HMCN2: variants seen among roughly 807,000 people sequenced by gnomAD.
The protein encoded by HMCN2 is hemicentin 2.
In HMCN2, 325 loss-of-function variants were observed where a neutral mutation model predicts 377.5. That is an observed-to-expected ratio of 0.86 (90% CI 0.79 to 0.94). The LOEUF is 0.94. HMCN2 is among the 40% of genes least tolerant of loss of function. HMCN2 has a pLI of 0.00. For synonymous variants in HMCN2, 2,007 were observed against 2,046.8 expected (o/e 0.98, Z 0.53); for missense variants, 4,543 against 4,725.3 (o/e 0.96, Z 1.13).
At chr9:130,417,039 G>A (rs1054964088) in intron 85 of HMCN2, among the ~76,000 whole-genome samples, 2 of 151,766 alleles carry the variant, frequency 1.3e-5, no homozygotes, top group Non-Finnish European at 2.9e-5. Flanking sequence ...AGCCTCTCAA[G>A]TAGCTGGGAT....
rs1844038181 is a variant in HMCN2, at chr9:130,421,925, GTC to G, written c.13232-647_13232-646del. Among the ~76,000 whole-genome samples, 4 of 152,240 alleles carry G rather than the reference GTC, an allele frequency of 2.6e-5. No homozygotes were observed. The South Asian group carries it at 8.3e-4, about 31-fold the overall frequency. ...TGAGTGGAGAGGCAGGCTAACTTCT[GTC>G]TCTCGCCCCCTGGAATGCCATCTGC... On this transcript the variant is annotated intron_variant, in intron 86 of 97. Coordinates refer to ENST00000683500, the MANE Select transcript of HMCN2 (RefSeq NM_001291815.2).
At position 130,314,951 on chromosome 9, in the gene HMCN2, C is replaced by T. The variant is rs964082985; in HGVS notation, c.2351-4544C>T. ...GGGGCCTTCAGGCCAGTGTCCCTTT[C>T]GCTGGGGGAGCAGCAGGCGCAGGGG... On this transcript the variant is annotated intron_variant, in intron 15 of 97. Coordinates refer to ENST00000683500, the MANE Select transcript of HMCN2 (RefSeq NM_001291815.2). 1.2e-3 allele frequency among the ~76,000 whole-genome samples: 184 copies of T among 151,994 alleles called. 1 individual carries two copies. The East Asian group carries it at 0.03, about 24-fold the overall frequency.
At chr9:130,322,001 G>C (rs1837878397) in intron 19 of HMCN2, 70 bp downstream of exon 19, 2 of 152,228 alleles carry the variant, frequency 1.3e-5, no homozygotes, top group Middle Eastern at 3.4e-3. Flanking sequence ...AATGTGCAGA[G>C]GTAACTTGAT....
intron 25 of HMCN2, among the ~76,000 whole-genome samples, chr9:130,343,979 G>A (rs1257146445): frequency 3.9e-5 from 6 of 152,226 alleles, no homozygotes; most frequent in Non-Finnish European, 5.9e-5. Context: ...TTGGTGGTGT[G>A]TGTGGTGTGT....
chr9:130,421,947 A>G (rs1284630065), intron 86 of HMCN2, among the ~76,000 whole-genome samples: 1 of 152,236 alleles, frequency 6.6e-6, no homozygotes, highest in African/African-American at 2.4e-5. Context: ...CTGGAATGCC[A>G]TCTGCCTAAA....
In HMCN2 at chr9:130,351,758, T is replaced by C. The variant is rs369713161; in HGVS notation, c.4585+181T>C. The stretch of plus-strand genomic sequence containing the variant: ...GGTCAGGGTCAGGGGATAGAGGTTA[T>C]CTGGCCCAGCATTTTCCAAATCCGT... On this transcript the variant is annotated intron_variant, in intron 30 of 97. Coordinates refer to ENST00000683500, the MANE Select transcript of HMCN2 (RefSeq NM_001291815.2). This position sits in a 1 kb window ranked among gnomAD's most constrained non-coding sequence, Gnocchi z 5.4. 1.3e-5 allele frequency among the ~76,000 whole-genome samples: 2 copies of C among 151,754 alleles called. No homozygotes were observed. Among genetic ancestry groups the C allele is most frequent in the East Asian group, 1.9e-4 (1 of 5,186 alleles).
At chr9:130,284,130 A>G (rs781854848) in intron 1 of HMCN2, among the ~76,000 whole-genome samples, 1 of 152,212 alleles carries the variant, frequency 6.6e-6, no homozygotes, top group Non-Finnish European at 1.5e-5. Context: ...GAGCTCATAC[A>G]TAGATGGGGT....
Position 130,351,426 on chromosome 9 carries a change from T to A in HMCN2, c.4434T>A (p.Pro1478=). 4 of 1,303,876 alleles carry A rather than the reference T, an allele frequency of 3.1e-6. No individual in the cohort carries two copies. The highest frequency in any genetic ancestry group is 4.0e-6 in the Non-Finnish European group (4 of 988,698). 80.8% of individuals were successfully genotyped at this position (1,303,876 alleles called of 1,614,324 possible). ...TTTCCCTTGCCCGTCTCTCCAGGCCTGTCCTTCCGGGAGGCCCTCACCTGC... is the reference window on the plus strand; with the variant it reads ...TTTCCCTTGCCCGTCTCTCCAGGCCAGTCCTTCCGGGAGGCCCTCACCTGC... ...PQVEWTKDRQ[P]VLPGGPHLQV... Residue 1478 remains proline (P), a synonymous_variant, in exon 30 of 98, where the codon CCT becomes CCA. Transcript: ENST00000683500. This position sits in a 1 kb window ranked among gnomAD's most constrained non-coding sequence, Gnocchi z 5.4.
chr9:130,432,368 C>G, intron 96 of HMCN2, 61 bp from the exon 97 acceptor site: 1 of 1,514,844 alleles, frequency 6.6e-7, no homozygotes, highest in Admixed American at 2.0e-5. Context: ...ACGCACTCCC[C>G]CCTTCTCCTT....
chr9:130,431,399 C>T lies in HMCN2; in HGVS notation c.14680C>T (p.Gln4894Ter). 6.5e-7 allele frequency: 1 copy of T among 1,550,056 alleles called. No homozygotes were observed. The highest frequency in any genetic ancestry group is 8.7e-7 in the Non-Finnish European group (1 of 1,146,820). ...LDECRVRNLC[Q>*]HACRNTEGSY... ...CGAGTGCCGCGTGAGGAACCTGTGT[C>T]AGCACGCCTGCCGCAACACTGAGGG... Residue 4894 changes from glutamine to a stop codon, truncating the protein, a stop_gained, in exon 96 of 98, where the codon CAG becomes TAG. Transcript: ENST00000683500. LOFTEE classifies it high-confidence loss of function.
chr9:130,317,936 G>A (rs1443811969), intron 15 of HMCN2, among the ~76,000 whole-genome samples: 3 of 152,088 alleles, frequency 2.0e-5, no homozygotes, highest in Non-Finnish European at 2.9e-5. Flanking sequence ...TGGGCTCTGC[G>A]GCTGGGCTGG....
chr9:130,267,861 G>T (rs1026020302), intron 1 of HMCN2, among the ~76,000 whole-genome samples: 13 of 152,168 alleles, frequency 8.5e-5, no homozygotes, highest in South Asian at 2.1e-4. Flanking sequence ...GTGTGTTCTG[G>T]CACTTAAGCT....
At chr9:130,334,549 G>GTTTTTT (rs1192246439) in intron 22 of HMCN2, among the ~76,000 whole-genome samples, 2 of 99,074 alleles carry the variant, frequency 2.0e-5, no homozygotes, top group African/African-American at 3.8e-5. Flanking sequence ...ACTTTTGGAA[G>GTTTTTT]TTTTTTTTTT....
intron 22 of HMCN2, among the ~76,000 whole-genome samples, chr9:130,335,461 C>A: frequency 6.6e-6 from 1 of 152,316 alleles, no homozygotes; most frequent in Non-Finnish European, 1.5e-5. Flanking sequence ...TCGCGTATTC[C>A]TTTGCACTAT....
intron 26 of HMCN2, chr9:130,348,020 C>A (rs1326286421): frequency 6.1e-6 from 6 of 985,278 alleles, no homozygotes; most frequent in Middle Eastern, 5.2e-4. Context: ...AGGAAAGGAA[C>A]CCCTCCTTAA....
In HMCN2 at chr9:130,430,353, G is replaced by A. The variant is rs553402426; in HGVS notation, c.14396G>A (p.Arg4799His). ...TGCCACAACCTCCAGGGCAGCTACCGCTGCCTGTGCCCCCCAGGCCAGACC... is the reference window on the plus strand; with the variant it reads ...TGCCACAACCTCCAGGGCAGCTACCACTGCCTGTGCCCCCCAGGCCAGACC... ...YQCHNLQGSY[R>H]CLCPPGQTLL... The change falls in exon 95 of 98, where the codon CGC (arginine) becomes CAC (histidine). Residue 4799 changes from arginine to histidine, a missense_variant. Arg to His is a conservative substitution (Grantham distance 29, BLOSUM62 0). This residue lies in a region of HMCN2 where 1,155 missense variants were observed against 1,157.7 expected (regional missense o/e 1.00). Coordinates refer to ENST00000683500, the MANE Select transcript of HMCN2 (RefSeq NM_001291815.2). 172 of 1,548,742 alleles carry A rather than the reference G, an allele frequency of 1.1e-4. 2 individuals are homozygous for A. The Admixed American group carries it at 1.6e-3, about 15-fold the overall frequency.
intron 35 of HMCN2, 79 bp from the exon 36 acceptor site, chr9:130,358,311 G>A (rs1005624221): frequency 1.0e-5 from 13 of 1,296,278 alleles, no homozygotes; most frequent in South Asian, 2.5e-5. Context: ...CCCCGGGCTC[G>A]GCAGCAGCCT....
At chr9:130,346,909 C>T (rs905022640) in intron 25 of HMCN2, among the ~76,000 whole-genome samples, 6 of 152,108 alleles carry the variant, frequency 3.9e-5, no homozygotes, top group African/African-American at 1.4e-4. Context: ...AACCAGAAAA[C>T]AGGCCTGCAG....
chr9:130,368,651 A>G (rs1840833275), intron 44 of HMCN2, among the ~76,000 whole-genome samples: 1 of 152,136 alleles, frequency 6.6e-6, no homozygotes, highest in African/African-American at 2.4e-5. Context: ...ATTGACTCAC[A>G]GTTCCACATG....
Sources: gnomAD v4.1 joint callset for allele counts (sites outside exome capture counted in the v4.1 genomes callset) on GRCh38, gnomAD v4.1.1 for gene constraint, gnomAD v4.1.1 regional missense constraint, Gnocchi (gnomAD v3.1) non-coding constraint, MANE v1.5 for transcripts, NCBI Gene and HGNC (gene_info 2026-07-23, HGNC 2026-07-21) for gene names.